Variants in NAALADL2 observed in about 807,000 individuals in gnomAD.
NAALADL2 encodes the protein N-acetylated alpha-linked acidic dipeptidase like 2.
A neutral mutation model predicts 87.2 loss-of-function variants in NAALADL2; 76 were observed. That is an observed-to-expected ratio of 0.87 (90% confidence interval 0.72 to 1.05). The LOEUF is 1.05. Among genes scored for constraint, NAALADL2 ranks in the 50% least tolerant of loss-of-function variants. NAALADL2 has a pLI of 0.00. For missense variants in NAALADL2, 1,089 were observed against 945.8 expected, an observed-to-expected ratio of 1.15 and a Z score of -1.99; for synonymous variants, 354 against 331.0, an observed-to-expected ratio of 1.07 and a Z score of -0.75.
chr3:175,182,550 G>GTTTTT (rs1161831796), intron 2 of NAALADL2, among the ~76,000 whole-genome samples: 1,276 of 69,452 alleles, frequency 0.018, 183 homozygotes, highest in Middle Eastern at 0.028. Flanking sequence ...ACCACAGCCA[G>GTTTTT]TTTTTTTTTT....
At chr3:174,640,189 C>T (rs1035799282) in intron 2 of NAALADL2, among the ~76,000 whole-genome samples, 3 of 152,202 alleles carry the variant, frequency 2.0e-5, no homozygotes, top group Non-Finnish European at 4.4e-5. Flanking sequence ...AGCTGCAGCT[C>T]GGCTCCCAGA....
intron 4 of NAALADL2, among the ~76,000 whole-genome samples, chr3:175,263,143 C>A (rs534104716): frequency 7.9e-5 from 12 of 151,832 alleles, no homozygotes; most frequent in Non-Finnish European, 1.6e-4. Flanking sequence ...GCTAAATCTG[C>A]TGCTGTTTTC....
At chr3:175,291,299 G>C (rs1227406629) in intron 4 of NAALADL2, among the ~76,000 whole-genome samples, 2 of 151,974 alleles carry the variant, frequency 1.3e-5, no homozygotes, top group Non-Finnish European at 2.9e-5. Context: ...TAATATTCTA[G>C]CAACAGTTCT....
At chr3:174,821,853 C>G (rs1721462357) in intron 3 of NAALADL2, among the ~76,000 whole-genome samples, 1 of 152,092 alleles carries the variant, frequency 6.6e-6, no homozygotes, top group African/African-American at 2.4e-5. Flanking sequence ...CTGGCAGTCT[C>G]TTTTTGGTCA....
chr3:174,877,915 T>C (rs1279569843), intron 1 of NAALADL2, among the ~76,000 whole-genome samples: 1 of 152,094 alleles, frequency 6.6e-6, no homozygotes, highest in African/African-American at 2.4e-5. Flanking sequence ...ATAAGTGGAA[T>C]AACTGGTTAG....
chr3:174,555,502 G>A (rs1380214157), intron 2 of NAALADL2, among the ~76,000 whole-genome samples: 1 of 152,228 alleles, frequency 6.6e-6, no homozygotes, highest in African/African-American at 2.4e-5. Flanking sequence ...GTTTCGCCAT[G>A]TTGGCCAGGC....
At chr3:174,660,726 G>T (rs186271470) in intron 2 of NAALADL2, among the ~76,000 whole-genome samples, 8 of 151,984 alleles carry the variant, frequency 5.3e-5, no homozygotes, top group African/African-American at 1.9e-4. Flanking sequence ...GGAATACATT[G>T]TACTTTTTTA....
chr3:174,898,136 AAAAAAAAG>A (rs1579423844), intron 1 of NAALADL2, among the ~76,000 whole-genome samples: 2 of 132,178 alleles, frequency 1.5e-5, no homozygotes, highest in East Asian at 2.0e-4. Flanking sequence ...AAAAAAAAAA[AAAAAAAAG>A]AAAAAAAGAA....
chr3:175,634,172 T>A (rs1007083860), intron 11 of NAALADL2, among the ~76,000 whole-genome samples: 3 of 151,902 alleles, frequency 2.0e-5, no homozygotes, highest in African/African-American at 7.2e-5. Flanking sequence ...TTTTAATAAT[T>A]TTAATTGTTA....
At chr3:174,736,463 T>C (rs1349590079) in intron 2 of NAALADL2, among the ~76,000 whole-genome samples, 1 of 151,960 alleles carries the variant, frequency 6.6e-6, no homozygotes, top group African/African-American at 2.4e-5. Context: ...AGTGTTCAGC[T>C]ATCAGCAGAG....
chr3:174,774,055 C>A (rs1714905048), intron 3 of NAALADL2, among the ~76,000 whole-genome samples: 1 of 152,094 alleles, frequency 6.6e-6, no homozygotes, highest in Admixed American at 6.6e-5. Context: ...CAAGCCTTTC[C>A]ATTATCTCTC....
chr3:175,673,759 A>C (rs1032960405), intron 11 of NAALADL2, among the ~76,000 whole-genome samples: 1 of 152,082 alleles, frequency 6.6e-6, no homozygotes, highest in African/African-American at 2.4e-5. Flanking sequence ...TAAAAATTTC[A>C]ATCAACCCAA....
intron 11 of NAALADL2, chr3:175,655,526 C>A: frequency 6.7e-6 from 2 of 297,960 alleles, no homozygotes; most frequent in South Asian, 2.7e-5. Context: ...GTGGTATGTA[C>A]TCTATGATTG....
At chr3:175,586,453 T>TGG (rs1720553096) in intron 10 of NAALADL2, among the ~76,000 whole-genome samples, 3 of 152,228 alleles carry the variant, frequency 2.0e-5, no homozygotes, top group African/African-American at 7.2e-5. Context: ...CCTGTGACTT[T>TGG]AAATGGATGG....
intron 3 of NAALADL2, among the ~76,000 whole-genome samples, chr3:174,775,865 C>T (rs1427603424): frequency 2.0e-5 from 3 of 152,076 alleles, no homozygotes; most frequent in Admixed American, 1.3e-4. Flanking sequence ...CAGCTGGACA[C>T]GAAGTCTTTC....
chr3:175,366,542 G>A (rs56099534), intron 5 of NAALADL2, among the ~76,000 whole-genome samples: 43,230 of 149,274 alleles, frequency 0.29, 6,572 homozygotes, highest in East Asian at 0.49. Flanking sequence ...CTTTTTAATG[G>A]TTGTCATTCT....
chr3:174,922,964 C>T (rs762736089), intron 1 of NAALADL2, among the ~76,000 whole-genome samples: 3 of 152,170 alleles, frequency 2.0e-5, no homozygotes, highest in Non-Finnish European at 4.4e-5. Flanking sequence ...CTTATCTTTC[C>T]CTTGTTCATT....
intron 9 of NAALADL2, among the ~76,000 whole-genome samples, chr3:175,565,498 T>TG (rs1472246714): frequency 6.6e-6 from 1 of 152,184 alleles, no homozygotes; most frequent in African/African-American, 2.4e-5. Flanking sequence ...CACCATCTTT[T>TG]GACTCTTTAT....
chr3:174,791,288 G>A (rs888237970), intron 3 of NAALADL2, among the ~76,000 whole-genome samples: 7 of 152,082 alleles, frequency 4.6e-5, no homozygotes, highest in African/African-American at 1.7e-4. Flanking sequence ...CTGAATGTTC[G>A]CATTCTCCTA....
Sources: allele counts gnomAD v4.1 joint callset (sites outside exome capture counted in the v4.1 genomes callset), GRCh38; gene constraint gnomAD v4.1.1; transcripts MANE v1.5; gene names NCBI Gene and HGNC (gene_info 2026-07-23, HGNC 2026-07-21).